KCTD18: variants seen among roughly 807,000 people sequenced by gnomAD.
The protein encoded by KCTD18 is potassium channel tetramerization domain containing 18, also known as BTB/POZ domain-containing protein KCTD18.
Under a neutral mutation model 30.4 loss-of-function variants are expected in KCTD18, and 22 were observed. That is an observed-to-expected ratio of 0.72 (90% CI 0.52 to 1.03). KCTD18 has a LOEUF of 1.03. Among genes scored for constraint, KCTD18 ranks in the 50% least tolerant of loss-of-function variants. KCTD18 has a pLI of 0.00. For synonymous variants in KCTD18, 186 were observed against 209.0 expected (o/e 0.89, Z 0.95); for missense variants, 529 against 547.6 (o/e 0.97, Z 0.34).
chr2:200,499,453 T>C (rs950666542), intron 3 of KCTD18, among the ~76,000 whole-genome samples: 2 of 152,112 alleles, frequency 1.3e-5, no homozygotes, highest in African/African-American at 2.4e-5. Context: ...AATTTTGAAA[T>C]CCAATCCCAC....
At chr2:200,495,638 A>G (rs974381155) in intron 5 of KCTD18, among the ~76,000 whole-genome samples, 1 of 152,104 alleles carries the variant, frequency 6.6e-6, no homozygotes, top group African/African-American at 2.4e-5. Context: ...TATTTCATTG[A>G]TAAGGAATGA....
chr2:200,492,314 A>G (rs1334769186), intron 6 of KCTD18, among the ~76,000 whole-genome samples: 1 of 152,230 alleles, frequency 6.6e-6, no homozygotes, highest in Non-Finnish European at 1.5e-5. Context: ...TCAACTAAAA[A>G]TGTTGCCAAA....
chr2:200,490,564 G>A lies in KCTD18; in HGVS notation c.817C>T (p.Pro273Ser). 1 of 1,601,224 alleles carries A rather than the reference G, an allele frequency of 6.2e-7. No individual in the cohort carries two copies. Among genetic ancestry groups the A allele is most frequent in the Non-Finnish European group, 8.5e-7 (1 of 1,179,946 alleles). Residue 273 changes from proline to serine, a missense_variant, in exon 7 of 7, where the codon CCT becomes TCT. Physicochemically the swap from Pro to Ser is moderately conservative, Grantham distance 74. Coordinates refer to ENST00000359878, the MANE Select transcript of KCTD18 (RefSeq NM_152387.4). ...GGGCCCAAAAATCTAACTGGCTTAG[G>A]ACCAGTCTTATAGTTCACACTTTCG... ...ADESVNYKTG[P>S]KPVRFLGPST...
intron 2 of KCTD18, among the ~76,000 whole-genome samples, 191 bp from the exon 3 acceptor site, chr2:200,505,150 A>G (rs1403103265): frequency 6.6e-6 from 1 of 152,252 alleles, no homozygotes; most frequent in African/African-American, 2.4e-5. Flanking sequence ...CAAATATGAT[A>G]TACCAGCAAC....
intron 6 of KCTD18, among the ~76,000 whole-genome samples, chr2:200,492,513 T>C (rs775454428): frequency 2.0e-4 from 30 of 152,198 alleles, no homozygotes; most frequent in Non-Finnish European, 3.7e-4. Context: ...CATCTCCGCA[T>C]TTCAGTGAAA....
chr2:200,504,692 T>C, intron 3 of KCTD18, 56 bp downstream of exon 3: 3 of 1,244,234 alleles, frequency 2.4e-6, no homozygotes, highest in South Asian at 2.6e-5. Flanking sequence ...AAATAGTACA[T>C]ATTGCTTTGT....
At chr2:200,501,239 T>C (rs991705671) in intron 3 of KCTD18, among the ~76,000 whole-genome samples, 3 of 149,356 alleles carry the variant, frequency 2.0e-5, no homozygotes, top group Non-Finnish European at 4.5e-5. Context: ...GGACTTCATG[T>C]CTAAAACACC....
intron 2 of KCTD18, among the ~76,000 whole-genome samples, chr2:200,506,153 C>T (rs11678067): frequency 0.16 from 24,817 of 152,066 alleles, 2,271 homozygotes; most frequent in Non-Finnish European, 0.21. Context: ...AATCATTCTC[C>T]TCTAACACAG....
At chr2:200,509,422 C>A (rs2030393682) in intron 1 of KCTD18, among the ~76,000 whole-genome samples, 1 of 152,112 alleles carries the variant, frequency 6.6e-6, no homozygotes, top group Non-Finnish European at 1.5e-5. Flanking sequence ...CACAGCAGCA[C>A]CCCGATCCCG....
chr2:200,498,549 C>T (rs780376859), intron 4 of KCTD18, among the ~76,000 whole-genome samples: 3 of 152,200 alleles, frequency 2.0e-5, no homozygotes, highest in Admixed American at 6.5e-5. Context: ...TCTGCCAATG[C>T]TTCTATGGTC....
intron 5 of KCTD18, among the ~76,000 whole-genome samples, chr2:200,493,954 C>T (rs1277877317): frequency 6.6e-6 from 1 of 152,188 alleles, no homozygotes; most frequent in Non-Finnish European, 1.5e-5. Context: ...CACCCGATAA[C>T]CACCTTTTCC....
At position 200,506,945 on chromosome 2, in the gene KCTD18, T is replaced by C. The variant is rs1184767543; in HGVS notation, c.72A>G (p.Thr24=). Residue 24 remains threonine, a synonymous_variant, in exon 2 of 7, where the codon ACA becomes ACG. Transcript: ENST00000359878. ...LRLNVGGCIY[T]ARRESLCRFK... is the part of the protein sequence containing the mutation. The stretch of plus-strand genomic sequence containing the variant: ...AGCGGCACAAGGACTCCCGCCGGGC[T>C]GTGTAAATACAGCCACCCACGTTCA... 3 of 1,613,986 alleles carry C rather than the reference T, an allele frequency of 1.9e-6. No individual in the cohort carries two copies. In the East Asian group the frequency reaches 6.7e-5, roughly 36 times the overall value.
rs10203042 is a variant in KCTD18 at position 200,490,143 on chromosome 2, G to A, written c.1238C>T (p.Ala413Val). 3.4e-3 allele frequency: 5,537 copies of A among 1,606,550 alleles called. 160 individuals carry two copies. The African/African-American group carries it at 0.063, about 18-fold the overall frequency. The change falls in exon 7 of 7, where the codon GCC becomes GTC. Residue 413 changes from alanine (A) to valine (V), a missense_variant. Coordinates refer to ENST00000359878, the MANE Select transcript of KCTD18 (RefSeq NM_152387.4). ...LKPLPGEAAR[A>V]LGVRTENGKN... Reference sequence around the variant, plus strand: ...CCCGTTCTCAGTCCGCACTCCCAAGGCACGGGCAGCTTCGCCGGGAAGCGG... The same window carrying A: ...CCCGTTCTCAGTCCGCACTCCCAAGACACGGGCAGCTTCGCCGGGAAGCGG...
At chr2:200,505,002 G>A (rs763423879) in intron 2 of KCTD18, 43 bp from the exon 3 acceptor site, 21 of 1,475,558 alleles carry the variant, frequency 1.4e-5, no homozygotes, top group South Asian at 1.1e-4. Flanking sequence ...AGATTCTGTC[G>A]ATCAATAAGA....
chr2:200,504,099 C>G (rs1347402399), intron 3 of KCTD18, among the ~76,000 whole-genome samples: 1 of 152,126 alleles, frequency 6.6e-6, no homozygotes, highest in East Asian at 1.9e-4. Flanking sequence ...TCATTATTTT[C>G]AAAAATCATT....
intron 6 of KCTD18, 44 bp downstream of exon 6, chr2:200,493,128 G>T: frequency 8.8e-7 from 1 of 1,131,978 alleles, no homozygotes; most frequent in Non-Finnish European, 1.3e-6. Flanking sequence ...AAAAATGTCA[G>T]CGATTAAAAA....
chr2:200,506,261 A>T (rs552702192), intron 2 of KCTD18, among the ~76,000 whole-genome samples: 1 of 152,166 alleles, frequency 6.6e-6, no homozygotes, highest in African/African-American at 2.4e-5. Flanking sequence ...TGAGTACCAG[A>T]GCACTGGAAG....
intron 5 of KCTD18, among the ~76,000 whole-genome samples, chr2:200,495,329 C>T (rs963274332): frequency 6.6e-6 from 1 of 152,090 alleles, no homozygotes; most frequent in Non-Finnish European, 1.5e-5. Flanking sequence ...TGTGGATGTG[C>T]CAAAATATAT....
intron 5 of KCTD18, among the ~76,000 whole-genome samples, chr2:200,494,441 G>A (rs1305970873): frequency 1.3e-5 from 2 of 152,134 alleles, no homozygotes; most frequent in African/African-American, 4.8e-5. Flanking sequence ...AAAATTGCTT[G>A]GAGTAATCTA....
Sources: gnomAD v4.1 joint callset for allele counts (sites outside exome capture counted in the v4.1 genomes callset) on GRCh38, gnomAD v4.1.1 for gene constraint, MANE v1.5 for transcripts, NCBI Gene and HGNC (gene_info 2026-07-23, HGNC 2026-07-21) for gene names.